Variants in RPL36 observed in about 807,000 individuals in gnomAD.
The protein encoded by RPL36 is large ribosomal subunit protein eL36.
For missense variants in RPL36, 131 were observed against 144.9 expected (o/e 0.90, Z 0.49); for synonymous variants, 74 against 56.0 (o/e 1.32, Z -1.44).
At position 5,691,521 on chromosome 19, in the gene RPL36, G is replaced by T; in HGVS notation, c.229-11G>T. 6.2e-7 allele frequency: 1 copy of T among 1,608,772 alleles called. No homozygotes were observed. Among genetic ancestry groups the T allele is most frequent in the Non-Finnish European group, 8.5e-7 (1 of 1,176,730 alleles). On this transcript the variant is annotated splice_polypyrimidine_tract_variant and intron_variant, in intron 3 of 3. Transcript: ENST00000347512. ...TCAGGGCCGGGCTGACGGCGGCCTC[G>T]TCCCTGGCAGGTGGGGACGCACATC...
rs765474824 is a variant in RPL36, at chr19:5,691,311, C to T, written c.94-8C>T. On this transcript the variant is annotated splice_polypyrimidine_tract_variant and splice_region_variant and intron_variant, in intron 2 of 3. Coordinates refer to ENST00000347512, the MANE Select transcript of RPL36 (RefSeq NM_033643.3). ...CCCTACCCTGACGGCCGCCCCTTTC[C>T]CCCCTAGCGTCTGACCAAACACACC... 2.5e-6 allele frequency: 4 copies of T among 1,610,184 alleles called. No individual in the cohort carries two copies. Among genetic ancestry groups the T allele is most frequent in the East Asian group, 2.2e-5 (1 of 44,868 alleles).
intron 2 of RPL36, 58 bp from the exon 3 acceptor site, chr19:5,691,261 C>T: frequency 2.5e-6 from 4 of 1,609,656 alleles, no homozygotes; most frequent in Admixed American, 1.7e-5. Context: ...GCGAGAGAAG[C>T]TGCTTAACTA....
In RPL36 at chr19:5,691,447, G is replaced by C; in HGVS notation, c.222G>C (p.Lys74Asn). 6.2e-7 allele frequency: 1 copy of C among 1,611,942 alleles called. No individual in the cohort carries two copies. The highest frequency in any genetic ancestry group is 8.5e-7 in the Non-Finnish European group (1 of 1,179,028). ...ACAAACGGGCCCTCAAATTTATCAA[G>C]AAAAGGGTAGGTGGGCGCTGCCGGC... ...SKDKRALKFI[K>N]KRVGTHIRAK... The change falls in exon 3 of 4, where the codon AAG becomes AAC. Residue 74 changes from lysine (K) to asparagine (N), a missense_variant. Coordinates refer to ENST00000347512, the MANE Select transcript of RPL36 (RefSeq NM_033643.3).
chr19:5,690,792 T>A, intron 2 of RPL36, 192 bp downstream of exon 2: 1 of 627,262 alleles, frequency 1.6e-6, no homozygotes, highest in East Asian at 2.8e-5. Context: ...TCTGGGTTTT[T>A]CCCAACCGTG....
chr19:5,690,436 C>G, intron 1 of RPL36, 70 bp from the exon 2 acceptor site: 3 of 1,210,740 alleles, frequency 2.5e-6, no homozygotes, highest in Non-Finnish European at 1.2e-6. Flanking sequence ...GGAGCCGGGA[C>G]GCGGGGCTCT....
chr19:5,691,707 G>C lies in RPL36; in HGVS notation c.*86G>C, dbSNP rs563147639. 9.9e-5 allele frequency: 136 copies of C among 1,377,062 alleles called. No homozygotes were observed. In the African/African-American group the frequency reaches 1.8e-3, roughly 19 times the overall value. The allele number at this position is 1,377,062 out of a possible 1,614,324, so 85.3% of individuals were successfully genotyped here. Reference sequence around the variant, plus strand: ...GCTGTCCGTGGGTGGGTGTGGGTGTGTCGGGGGCCCGCAGTCCCCTGTCTG... The same window carrying C: ...GCTGTCCGTGGGTGGGTGTGGGTGTCTCGGGGGCCCGCAGTCCCCTGTCTG... On this transcript the variant is annotated 3_prime_UTR_variant, in exon 4 of 4. Transcript: ENST00000347512.
At position 5,691,856 on chromosome 19, in the gene RPL36, TA is replaced by T. The variant is rs1422364455; in HGVS notation, c.*238del. The T allele has an allele frequency of 1.2e-6, 1 of 823,194 alleles. No individual in the cohort carries two copies. Among genetic ancestry groups the T allele is most frequent in the Non-Finnish European group, 1.9e-6 (1 of 533,050 alleles). 51.0% of individuals were successfully genotyped at this position (823,194 alleles called of 1,614,324 possible). On this transcript the variant is annotated 3_prime_UTR_variant, in exon 4 of 4. Transcript: ENST00000347512. ...CCGTACTGCAAATGACTTTAATCAT[TA>T]AATAGCTTCTATGCCACACTCTGAT...
rs1490625380 is a variant in RPL36, at chr19:5,690,549, C to T, written c.42C>T (p.Gly14=). 2 of 1,570,364 alleles carry T rather than the reference C, an allele frequency of 1.3e-6. No homozygotes were observed. The highest frequency in any genetic ancestry group is 2.3e-5 in the East Asian group (1 of 42,744). Residue 14 remains glycine, a synonymous_variant, in exon 2 of 4, where the codon GGC becomes GGT. Coordinates refer to ENST00000347512, the MANE Select transcript of RPL36 (RefSeq NM_033643.3). ...RYPMAVGLNK[G]HKVTKNVSKP... ...CTATGGCCGTGGGCCTCAACAAGGGCCACAAAGTGACCAAGAACGTGAGCA... is the reference window on the plus strand; with the variant it reads ...CTATGGCCGTGGGCCTCAACAAGGGTCACAAAGTGACCAAGAACGTGAGCA...
rs1254056992 is a variant in RPL36, at chr19:5,690,528, G to A, written c.21G>A (p.Met7Ile). The A allele has an allele frequency of 6.4e-7, 1 of 1,563,630 alleles. No homozygotes were observed. The highest frequency in any genetic ancestry group is 1.2e-5 in the South Asian group (1 of 84,878). Residue 7 changes from methionine (M) to isoleucine (I), a missense_variant, in exon 2 of 4, where the codon ATG (methionine) becomes ATA (isoleucine). Coordinates refer to ENST00000347512, the MANE Select transcript of RPL36 (RefSeq NM_033643.3). ...CAGCCATGGCCCTACGCTACCCTAT[G>A]GCCGTGGGCCTCAACAAGGGCCACA... The part of the protein sequence containing the change: MALRYP[M>I]AVGLNKGHKV...
intron 2 of RPL36, 28 bp from the exon 3 acceptor site, chr19:5,691,291 C>A: frequency 6.2e-7 from 1 of 1,612,194 alleles, no homozygotes; most frequent in African/African-American, 1.3e-5. Flanking sequence ...GATCCCCCTA[C>A]CCTGACGGCC....
intron 2 of RPL36, chr19:5,690,808 C>G: frequency 1.6e-6 from 1 of 611,796 alleles, no homozygotes; most frequent in African/African-American, 1.8e-5. Flanking sequence ...CCGTGCAATC[C>G]ACGCTGGGGC....
chr19:5,691,071 T>C (rs746693665), intron 2 of RPL36: 44 of 593,526 alleles, frequency 7.4e-5, no homozygotes, highest in Admixed American at 2.4e-4. Flanking sequence ...TGTCAGTGTA[T>C]TGGGCGCCTT....
rs536695668 is a variant in RPL36 at position 5,691,841 on chromosome 19, A to G, written c.*220A>G. 10 of 809,048 alleles carry G rather than the reference A, an allele frequency of 1.2e-5. No homozygotes were observed. Among genetic ancestry groups the G allele is most frequent in the Non-Finnish European group, 1.9e-5 (10 of 519,438 alleles). The allele number at this position is 809,048 out of a possible 1,614,324, so 50.1% of individuals were successfully genotyped here. ...CAGGTGAGGAAGCCGCCGTACTGCA[A>G]ATGACTTTAATCATTAAATAGCTTC... is the stretch of plus-strand genomic sequence containing the variant. On this transcript the variant is annotated 3_prime_UTR_variant, in exon 4 of 4. Transcript: ENST00000347512.
chr19:5,690,512 C>A lies in RPL36; in HGVS notation c.5C>A (p.Ala2Asp). 1.9e-6 allele frequency: 3 copies of A among 1,557,034 alleles called. No homozygotes were observed. Among genetic ancestry groups the A allele is most frequent in the South Asian group, 1.2e-5 (1 of 84,398 alleles). Reference sequence around the variant, plus strand: ...TCCCCGTCGCTGTCCGCAGCCATGGCCCTACGCTACCCTATGGCCGTGGGC... The same window carrying A: ...TCCCCGTCGCTGTCCGCAGCCATGGACCTACGCTACCCTATGGCCGTGGGC... The part of the protein sequence containing the change: M[A>D]LRYPMAVGLN... Residue 2 changes from alanine to aspartate, a missense_variant, in exon 2 of 4, where the codon GCC becomes GAC. Coordinates refer to ENST00000347512, the MANE Select transcript of RPL36 (RefSeq NM_033643.3).
Position 5,690,600 on chromosome 19 carries a change from G to C in RPL36, c.93G>C (p.Gly31=). Residue 31 remains glycine (G), a splice_region_variant and synonymous_variant, in exon 2 of 4, where the codon GGG becomes GGC. Coordinates refer to ENST00000347512, the MANE Select transcript of RPL36 (RefSeq NM_033643.3). ...VSKPRHSRRR[G]RLTKHTKFVR... ...AGCCCAGGCACAGCCGACGCCGCGGGGTGAGTGCGGGTGCCGCGCGGAGGT... is the reference window on the plus strand; with the variant it reads ...AGCCCAGGCACAGCCGACGCCGCGGCGTGAGTGCGGGTGCCGCGCGGAGGT... 1 of 1,560,770 alleles carries C rather than the reference G, an allele frequency of 6.4e-7. No individual in the cohort carries two copies. Among genetic ancestry groups the C allele is most frequent in the South Asian group, 1.2e-5 (1 of 84,758 alleles).
rs1368595001 is a variant in RPL36 at position 5,691,658 on chromosome 19, C to T, written c.*37C>T. 11 of 1,565,116 alleles carry T rather than the reference C, an allele frequency of 7.0e-6. No individual in the cohort carries two copies. Among genetic ancestry groups the T allele is most frequent in the Non-Finnish European group, 8.7e-6 (10 of 1,153,766 alleles). On this transcript the variant is annotated 3_prime_UTR_variant, in exon 4 of 4. Transcript: ENST00000347512. ...GCCCTCTCCCTGAAATAAAGAACAG[C>T]TTGACAGAAGCCCTGGCTCTCCTGC...
intron 2 of RPL36, 174 bp downstream of exon 2, chr19:5,690,774 G>C (rs2054807096): frequency 3.1e-6 from 2 of 647,604 alleles, no homozygotes; most frequent in Admixed American, 4.8e-5. Flanking sequence ...CTCGAAGGCG[G>C]GCACCCATCT....
intron 2 of RPL36, 29 bp from the exon 3 acceptor site, chr19:5,691,290 A>C (rs767894473): frequency 3.7e-6 from 6 of 1,611,992 alleles, no homozygotes; most frequent in Non-Finnish European, 5.1e-6. Context: ...GGATCCCCCT[A>C]CCCTGACGGC....
At position 5,691,695 on chromosome 19, in the gene RPL36, G is replaced by A; in HGVS notation, c.*74G>A. ...CCTGGCTCTCCTGCTGTCCGTGGGTGGGTGTGGGTGTGTCGGGGGCCCGCA... is the reference window on the plus strand; with the variant it reads ...CCTGGCTCTCCTGCTGTCCGTGGGTAGGTGTGGGTGTGTCGGGGGCCCGCA... On this transcript the variant is annotated 3_prime_UTR_variant, in exon 4 of 4. Transcript: ENST00000347512. 1 of 1,445,066 alleles carries A rather than the reference G, an allele frequency of 6.9e-7. No homozygotes were observed. 89.5% of individuals were successfully genotyped at this position (1,445,066 alleles called of 1,614,324 possible). A position where few individuals can be genotyped will look rare whatever the true frequency, so the allele number is the denominator to read the frequency against.
Sources: allele counts gnomAD v4.1 joint callset, GRCh38; gene constraint gnomAD v4.1.1; transcripts MANE v1.5; gene names NCBI Gene and HGNC (gene_info 2026-07-23, HGNC 2026-07-21).